Variants in ZFR observed in about 807,000 individuals in gnomAD.
The protein encoded by ZFR is zinc finger RNA-binding protein.
A neutral mutation model predicts 130.7 loss-of-function variants in ZFR; 19 were observed. That is an observed-to-expected ratio of 0.15 (90% CI 0.10 to 0.21). ZFR has a LOEUF of 0.21. Ranked by LOEUF, ZFR falls within the 10% of genes least tolerant of loss-of-function variation. The probability of loss-of-function intolerance (pLI) is 1.00; values close to 1 mark genes in which losing one functional copy is unlikely to be tolerated. For missense variants in ZFR, 872 were observed against 1,321.5 expected (o/e 0.66, Z 5.27); for synonymous variants, 466 against 456.9 (o/e 1.02, Z -0.25).
chr5:32,411,785 G>C (rs569992313), intron 5 of ZFR, among the ~76,000 whole-genome samples: 46 of 150,336 alleles, frequency 3.1e-4, no homozygotes, highest in African/African-American at 1.1e-3. Flanking sequence ...CACTTACATG[G>C]TATTAGGTAC....
At chr5:32,397,688 CT>C in intron 9 of ZFR, among the ~76,000 whole-genome samples, 1 of 152,222 alleles carries the variant, frequency 6.6e-6, no homozygotes, top group South Asian at 2.1e-4. Flanking sequence ...TCTCAAACTC[CT>C]TGTGATCCGC....
chr5:32,361,761 G>A (rs1185228133), intron 19 of ZFR, among the ~76,000 whole-genome samples: 1 of 151,830 alleles, frequency 6.6e-6, no homozygotes, highest in African/African-American at 2.4e-5. Flanking sequence ...CTGGACTACA[G>A]GCACTCACAT....
chr5:32,403,806 A>C (rs1753521954), intron 7 of ZFR, 100 bp downstream of exon 7: 1 of 1,162,364 alleles, frequency 8.6e-7, no homozygotes, highest in East Asian at 2.4e-5. Context: ...AATGCACTTA[A>C]AAGTTTTCGA....
At chr5:32,362,538 T>G (rs1752459738) in intron 19 of ZFR, among the ~76,000 whole-genome samples, 1 of 152,222 alleles carries the variant, frequency 6.6e-6, no homozygotes, top group East Asian at 1.9e-4. Context: ...TATAGCTCTA[T>G]GCAATTTTAT....
chr5:32,377,848 T>C (rs548138103), intron 17 of ZFR, among the ~76,000 whole-genome samples: 2 of 152,208 alleles, frequency 1.3e-5, no homozygotes, highest in Admixed American at 1.3e-4. Context: ...CCCGCCACCA[T>C]GCCCAGCTAA....
chr5:32,363,512 G>A (rs1752477153), intron 19 of ZFR, among the ~76,000 whole-genome samples: 1 of 152,114 alleles, frequency 6.6e-6, no homozygotes, highest in African/African-American at 2.4e-5. Context: ...CAAATCCAGG[G>A]AGTCTGTCTC....
chr5:32,409,763 GAGA>G (rs1393556711), intron 5 of ZFR, among the ~76,000 whole-genome samples: 1 of 152,192 alleles, frequency 6.6e-6, no homozygotes, highest in Non-Finnish European at 1.5e-5. Flanking sequence ...GATGGATACA[GAGA>G]GTGACTATAT....
chr5:32,419,622 G>A (rs1240740578), intron 3 of ZFR, among the ~76,000 whole-genome samples, 199 bp downstream of exon 3: 1 of 152,190 alleles, frequency 6.6e-6, no homozygotes, highest in Non-Finnish European at 1.5e-5. Context: ...ACAGGCATGA[G>A]CCACCGCGCC....
intron 2 of ZFR, among the ~76,000 whole-genome samples, chr5:32,434,289 T>C (rs1334140890): frequency 2.0e-5 from 3 of 152,352 alleles, no homozygotes; most frequent in South Asian, 2.1e-4. Flanking sequence ...TGAAGACTTG[T>C]AGCCTGAGAT....
At chr5:32,415,525 C>CGCGTGT (rs1394241411) in intron 4 of ZFR, among the ~76,000 whole-genome samples, 3 of 133,672 alleles carry the variant, frequency 2.2e-5, no homozygotes, top group African/African-American at 8.8e-5. Flanking sequence ...TGCGCGCGCG[C>CGCGTGT]GCGCGCGCAC....
At chr5:32,419,730 A>G in intron 3 of ZFR, 91 bp downstream of exon 3, 2 of 1,484,730 alleles carry the variant, frequency 1.3e-6, no homozygotes, top group Non-Finnish European at 1.8e-6. Flanking sequence ...GGAAGCCCCA[A>G]GTTTGAGAAG....
chr5:32,379,694 C>T (rs371165103), intron 16 of ZFR: 63 of 191,178 alleles, frequency 3.3e-4, no homozygotes, highest in Non-Finnish European at 5.7e-4. Context: ...GGAAAAAAAT[C>T]TTAAAACTAT....
intron 9 of ZFR, among the ~76,000 whole-genome samples, chr5:32,398,084 C>T (rs926365120): frequency 1.4e-5 from 2 of 146,256 alleles, no homozygotes; most frequent in African/African-American, 5.1e-5. Flanking sequence ...TCTTGATCTC[C>T]TGACCTCGTG....
chr5:32,388,349 G>T, intron 13 of ZFR, 120 bp downstream of exon 13: 1 of 922,596 alleles, frequency 1.1e-6, no homozygotes, highest in Non-Finnish European at 1.6e-6. Flanking sequence ...TCGAACACAG[G>T]CATGGTTAAA....
chr5:32,396,692 C>G (rs1026228285), intron 10 of ZFR, among the ~76,000 whole-genome samples: 2 of 151,860 alleles, frequency 1.3e-5, no homozygotes, highest in Non-Finnish European at 2.9e-5. Context: ...TGCAGTGAGC[C>G]GAGATCATGC....
intron 17 of ZFR, among the ~76,000 whole-genome samples, chr5:32,372,138 C>G (rs147339151): frequency 5.9e-5 from 9 of 152,272 alleles, no homozygotes; most frequent in African/African-American, 1.9e-4. Context: ...AACAAGGCTG[C>G]AGGTAGCCAA....
chr5:32,407,761 C>T (rs971241661), intron 5 of ZFR, among the ~76,000 whole-genome samples: 4 of 152,310 alleles, frequency 2.6e-5, no homozygotes, highest in East Asian at 1.9e-4. Flanking sequence ...TGTATGAATT[C>T]TACCCATTTC....
In ZFR at chr5:32,388,486, TTTC is replaced by T. The variant is rs1389656421; in HGVS notation, c.2328_2330del (p.Lys777del). 6.2e-7 allele frequency: 1 copy of T among 1,613,794 alleles called. No individual in the cohort carries two copies. Among genetic ancestry groups the T allele is most frequent in the African/African-American group, 1.3e-5 (1 of 74,914 alleles). ...AAACACACCTGTCTTTACCTCCCTC[TTTC>T]TTATCATCTCCCTCTTTGTTCTTGT... On this transcript the variant is annotated inframe_deletion, in exon 13 of 20. Coordinates refer to ENST00000265069, the MANE Select transcript of ZFR (RefSeq NM_016107.5).
At chr5:32,443,416 TCCCCGCAGGGGAAAGAC>T (rs1754515101) in intron 2 of ZFR, among the ~76,000 whole-genome samples, 1 of 152,036 alleles carries the variant, frequency 6.6e-6, no homozygotes, top group South Asian at 2.1e-4. Flanking sequence ...TCCCCACCAT[TCCCCGCAGGGGAAAGAC>T]CCCCGCAAGG....
Sources: gnomAD v4.1 joint callset for allele counts (sites outside exome capture counted in the v4.1 genomes callset) on GRCh38, gnomAD v4.1.1 for gene constraint, MANE v1.5 for transcripts, NCBI Gene and HGNC (gene_info 2026-07-23, HGNC 2026-07-21) for gene names.